Variants in IQSEC1 observed in about 807,000 individuals in gnomAD.
IQSEC1 encodes the protein IQ motif and Sec7 domain ArfGEF 1.
IQSEC1 carries 31 observed loss-of-function variants against 91.0 expected under a neutral mutation model. That is an observed-to-expected ratio of 0.34 (90% CI 0.26 to 0.46). The LOEUF (loss-of-function observed/expected upper bound fraction) is 0.46, where lower values mean the gene tolerates loss of function less well. Ranked by LOEUF, IQSEC1 falls within the 20% of genes least tolerant of loss-of-function variation. The pLI is 1.00. For synonymous variants in IQSEC1, 699 were observed against 662.6 expected (o/e 1.05, Z -0.84); for missense variants, 1,388 against 1,575.6 (o/e 0.88, Z 2.02).
At chr3:13,056,585 T>C (rs890831028) in intron 1 of IQSEC1, among the ~76,000 whole-genome samples, 1 of 152,074 alleles carries the variant, frequency 6.6e-6, no homozygotes, top group African/African-American at 2.4e-5. Context: ...GATACACGTA[T>C]CCACTCAGCT....
At chr3:13,120,531 G>T (rs188239137) in intron 2 of IQSEC1, among the ~76,000 whole-genome samples, 209 of 152,322 alleles carry the variant, frequency 1.4e-3, no homozygotes, top group African/African-American at 4.5e-3. Flanking sequence ...GTACACACTC[G>T]ATTAGTGTTA....
chr3:13,117,203 T>C (rs750757881), intron 2 of IQSEC1, among the ~76,000 whole-genome samples: 48 of 144,380 alleles, frequency 3.3e-4, no homozygotes, highest in South Asian at 3.3e-3. Flanking sequence ...AAATGGCCCA[T>C]AGGCACATGA....
In IQSEC1 at chr3:13,110,362, G is replaced by A. The variant is rs372347617; in HGVS notation, c.302+53742C>T. On this transcript the variant is annotated intron_variant, in intron 2 of 15. Transcript: ENST00000648114. ...TCCCAGCACTTTGGGAGGCCAAGGC[G>A]GGAGGATCACGAGGTCAGGAGATCG... 6.6e-5 allele frequency among the ~76,000 whole-genome samples: 10 copies of A among 151,992 alleles called. No homozygotes were observed. The East Asian group carries it at 7.9e-4, about 12-fold the overall frequency.
chr3:12,932,412 G>A (rs903989808), intron 3 of IQSEC1, among the ~76,000 whole-genome samples: 3 of 152,208 alleles, frequency 2.0e-5, no homozygotes, highest in Non-Finnish European at 2.9e-5. Context: ...AGGGTGTGAC[G>A]TCCCTAGTCG....
At position 13,259,349 on chromosome 3, in the gene IQSEC1, A is replaced by G. The variant is rs944264076; in HGVS notation, c.272+23362T>C. ...TCTCTAAGTGCAGAAACCAAGGCAC[A>G]GCCCGAGGTCACCAAGCCTGTGAGC... On this transcript the variant is annotated intron_variant, in intron 1 of 15. Coordinates refer to the IQSEC1 transcript ENST00000648114. This position sits in a 1 kb window ranked among gnomAD's most constrained non-coding sequence, Gnocchi z 4.6. 6.6e-6 allele frequency among the ~76,000 whole-genome samples: 1 copy of G among 152,242 alleles called. No individual in the cohort carries two copies. Among genetic ancestry groups the G allele is most frequent in the Admixed American group, 6.5e-5 (1 of 15,290 alleles).
chr3:13,219,984 G>A (rs1251620420), intron 1 of IQSEC1, among the ~76,000 whole-genome samples: 2 of 152,248 alleles, frequency 1.3e-5, no homozygotes, highest in East Asian at 1.9e-4. Flanking sequence ...AACCTGAAAC[G>A]TGGCAAAAGT....
At chr3:13,268,369 C>A (rs1022038295) in intron 1 of IQSEC1, among the ~76,000 whole-genome samples, 2 of 152,248 alleles carry the variant, frequency 1.3e-5, no homozygotes, top group African/African-American at 4.8e-5. Flanking sequence ...AGCTAGCACA[C>A]AACAGGTGCT....
At chr3:13,151,315 G>A (rs755740835) in intron 2 of IQSEC1, among the ~76,000 whole-genome samples, 1 of 152,324 alleles carries the variant, frequency 6.6e-6, no homozygotes, top group South Asian at 2.1e-4. Context: ...CCTAGTGCAT[G>A]TTGTAGCAGA....
chr3:12,935,572 G>T lies in IQSEC1; in HGVS notation c.1444C>A (p.Arg482=), dbSNP rs1223745173. ...GTCTGCTTGCTGAGCGTCTGCTCCC[G>T]CAGGCTGTCACGGGACGATGACTCG... ...SSESSSRDSL[R]EQTLSKQTYH... Residue 482 remains arginine, a synonymous_variant, in exon 3 of 14, where the codon CGG becomes AGG. Coordinates refer to ENST00000613206, the MANE Select transcript of IQSEC1 (RefSeq NM_001134382.3). The surrounding 1 kb of genome is among the most constrained non-coding windows in gnomAD (Gnocchi z 8.0). 6.2e-7 allele frequency: 1 copy of T among 1,614,110 alleles called. No individual in the cohort carries two copies. Among genetic ancestry groups the T allele is most frequent in the East Asian group, 2.2e-5 (1 of 44,888 alleles).
intron 1 of IQSEC1, among the ~76,000 whole-genome samples, chr3:13,237,913 C>T (rs1436488030): frequency 2.0e-5 from 3 of 152,228 alleles, no homozygotes. Flanking sequence ...GCCGAGGTCA[C>T]TCCCTGTGGA....
chr3:13,182,760 CAT>C (rs1693866098), intron 1 of IQSEC1, among the ~76,000 whole-genome samples: 1 of 152,198 alleles, frequency 6.6e-6, no homozygotes, highest in African/African-American at 2.4e-5. Flanking sequence ...GAAAATATAA[CAT>C]ATCAAAATAT....
chr3:13,259,039 A>G lies in IQSEC1; in HGVS notation c.272+23672T>C, dbSNP rs930737985. ...CCCCTACCCTCTTTCCCTATAGTCT[A>G]TCTCACACCATGGCCAGAGAGGTCT... is the stretch of plus-strand genomic sequence containing the variant. On this transcript the variant is annotated intron_variant, in intron 1 of 15. Transcript: ENST00000648114. The surrounding 1 kb of genome is among the most constrained non-coding windows in gnomAD (Gnocchi z 4.6). 1.3e-5 allele frequency among the ~76,000 whole-genome samples: 2 copies of G among 151,986 alleles called. No homozygotes were observed. Among genetic ancestry groups the G allele is most frequent in the African/African-American group, 2.4e-5 (1 of 41,362 alleles).
chr3:13,027,785 C>G (rs1334998164), intron 1 of IQSEC1, among the ~76,000 whole-genome samples: 1 of 152,210 alleles, frequency 6.6e-6, no homozygotes, highest in Non-Finnish European at 1.5e-5. Flanking sequence ...AACAGAACAA[C>G]TGTGGCTTGG....
At chr3:13,113,403 C>G (rs1157271475) in intron 2 of IQSEC1, among the ~76,000 whole-genome samples, 1 of 152,194 alleles carries the variant, frequency 6.6e-6, no homozygotes, top group African/African-American at 2.4e-5. Context: ...TGGGCCTCAG[C>G]CTGTGCATCT....
At chr3:13,244,024 G>A (rs757967058) in intron 1 of IQSEC1, among the ~76,000 whole-genome samples, 5 of 152,046 alleles carry the variant, frequency 3.3e-5, no homozygotes, top group Non-Finnish European at 4.4e-5. Flanking sequence ...TTTGTGGAGC[G>A]CCTGCTCTGT....
chr3:13,260,088 G>A (rs988300795), intron 1 of IQSEC1, among the ~76,000 whole-genome samples: 8 of 152,220 alleles, frequency 5.3e-5, no homozygotes, highest in African/African-American at 1.7e-4. Context: ...GGAGGACAGT[G>A]CCTTGCAGGG....
intron 1 of IQSEC1, among the ~76,000 whole-genome samples, chr3:13,246,279 C>T (rs1299640065): frequency 6.6e-6 from 1 of 152,164 alleles, no homozygotes; most frequent in African/African-American, 2.4e-5. Flanking sequence ...AACAGCAGGA[C>T]TCCACTGATC....
At chr3:13,117,324 C>T (rs1353047511) in intron 2 of IQSEC1, among the ~76,000 whole-genome samples, 3 of 149,356 alleles carry the variant, frequency 2.0e-5, no homozygotes, top group South Asian at 2.1e-4. Flanking sequence ...CAGTGGCTCA[C>T]GACTGTAATC....
intron 1 of IQSEC1, among the ~76,000 whole-genome samples, chr3:13,222,203 C>T (rs1258438584): frequency 3.5e-5 from 5 of 143,158 alleles, no homozygotes; most frequent in Admixed American, 3.5e-4. Flanking sequence ...TGTGACTACT[C>T]CAGGGACCTC....
Sources: gnomAD v4.1 joint callset for allele counts (sites outside exome capture counted in the v4.1 genomes callset) on GRCh38, gnomAD v4.1.1 for gene constraint, Gnocchi (gnomAD v3.1) non-coding constraint, MANE v1.5 for transcripts, NCBI Gene and HGNC (gene_info 2026-07-23, HGNC 2026-07-21) for gene names.